NDUFB4: variants seen among roughly 807,000 people sequenced by gnomAD.
The protein encoded by NDUFB4 is NADH:ubiquinone oxidoreductase subunit B4.
A neutral mutation model predicts 14.5 loss-of-function variants in NDUFB4; 10 were observed. The ratio of observed to expected loss-of-function variants is 0.69; its 90% CI spans 0.43 to 1.17. NDUFB4 has a LOEUF of 1.17. Among genes scored for constraint, NDUFB4 ranks in the 50% most tolerant of loss-of-function variants. NDUFB4 has a pLI of 0.00. For missense variants in NDUFB4, 165 were observed against 161.1 expected (o/e 1.02, Z -0.13); for synonymous variants, 65 against 63.4 (o/e 1.03, Z -0.12).
At chr3:120,602,127 T>A in intron 2 of NDUFB4, 81 bp from the exon 3 acceptor site, 1 of 1,550,526 alleles carries the variant, frequency 6.4e-7, no homozygotes, top group Non-Finnish European at 8.6e-7. Flanking sequence ...TTTCTTACCT[T>A]TTTTATTTAT....
At chr3:120,602,019 C>A in intron 2 of NDUFB4, 189 bp from the exon 3 acceptor site, 11 of 1,337,290 alleles carry the variant, frequency 8.2e-6, no homozygotes, top group Non-Finnish European at 1.1e-5. Flanking sequence ...ACTGTTTCTT[C>A]GCACACTCCC....
At chr3:120,598,441 C>T (rs1013454352) in intron 1 of NDUFB4, among the ~76,000 whole-genome samples, 7 of 152,074 alleles carry the variant, frequency 4.6e-5, no homozygotes, top group African/African-American at 1.4e-4. Context: ...GCCAAGATAA[C>T]AATGGAGATC....
At chr3:120,601,296 G>A (rs1269362306) in intron 2 of NDUFB4, 39 bp downstream of exon 2, 3 of 1,610,368 alleles carry the variant, frequency 1.9e-6, no homozygotes, top group South Asian at 1.1e-5. Flanking sequence ...TTGAGTGATA[G>A]GTTCACTTTC....
At chr3:120,596,598 GACCAC>G in intron 1 of NDUFB4, 59 bp downstream of exon 1, 4 of 1,566,886 alleles carry the variant, frequency 2.6e-6, no homozygotes, top group Non-Finnish European at 3.5e-6. Context: ...GACCGAGAGA[GACCAC>G]GCAAAGGGTC....
At position 120,602,495 on chromosome 3, in the gene NDUFB4, C is replaced by G. The variant is rs1482596647; in HGVS notation, c.*225C>G. 2 of 487,066 alleles carry G rather than the reference C, an allele frequency of 4.1e-6. No individual in the cohort carries two copies. Among genetic ancestry groups the G allele is most frequent in the Admixed American group, 3.8e-5 (1 of 26,506 alleles). The allele number at this position is 487,066 out of a possible 1,614,324, so 30.2% of individuals were successfully genotyped here. A position where few individuals can be genotyped will look rare whatever the true frequency, so the allele number is the denominator to read the frequency against. ...AACATAAACTTCATTAAACTGTGAG[C>G]TCTTAGAAAGTACAGATTCTACAAT... is the stretch of plus-strand genomic sequence containing the variant. On this transcript the variant is annotated 3_prime_UTR_variant, in exon 3 of 3. Coordinates refer to ENST00000184266, the MANE Select transcript of NDUFB4 (RefSeq NM_004547.6).
At chr3:120,601,506 G>A in intron 2 of NDUFB4, 1 of 1,352,408 alleles carries the variant, frequency 7.4e-7, no homozygotes, top group East Asian at 2.9e-5. Flanking sequence ...ATTGGGTTAA[G>A]TATTAGCAGA....
chr3:120,601,256 G>A lies in NDUFB4; in HGVS notation c.326G>A (p.Arg109Lys), dbSNP rs772989363. 12 of 1,613,934 alleles carry A rather than the reference G, an allele frequency of 7.4e-6. No individual in the cohort carries two copies. Among genetic ancestry groups the A allele is most frequent in the Admixed American group, 5.0e-5 (3 of 59,976 alleles). Residue 109 changes from arginine to lysine, a missense_variant and splice_region_variant, in exon 2 of 3, where the codon AGG becomes AAG. Arg to Lys is a conservative substitution (Grantham distance 26, BLOSUM62 2). Coordinates refer to ENST00000184266, the MANE Select transcript of NDUFB4 (RefSeq NM_004547.6). ...ATTTATTATATTATCAAAACTGAGA[G>A]GGTAAGTATTCAGACCAGATGTTTA... ...IFIYYIIKTE[R>K]DRKEKLIQEG...
Position 120,601,251 on chromosome 3 carries a change from T to C in NDUFB4, c.321T>C (p.Thr107=). The change falls in exon 2 of 3, where the codon ACT becomes ACC. Residue 107 remains threonine (T), a synonymous_variant. Transcript: ENST00000184266. ...PLIFIYYIIK[T]ERDRKEKLIQ... is the part of the protein sequence containing the mutation. ...TCTTCATTTATTATATTATCAAAAC[T>C]GAGAGGGTAAGTATTCAGACCAGAT... The C allele has an allele frequency of 6.2e-7, 1 of 1,614,108 alleles. No individual in the cohort carries two copies.
chr3:120,598,070 T>C (rs1192736008), intron 1 of NDUFB4, among the ~76,000 whole-genome samples: 1 of 151,726 alleles, frequency 6.6e-6, no homozygotes, highest in Non-Finnish European at 1.5e-5. Context: ...TTTTTTCCCT[T>C]GAGACAGGAT....
At position 120,596,610 on chromosome 3, in the gene NDUFB4, G is replaced by T. The variant is rs895777206; in HGVS notation, c.180+71G>T. The T allele has an allele frequency of 5.9e-6, 9 of 1,515,320 alleles. No homozygotes were observed. The Admixed American group carries it at 1.1e-4, about 19-fold the overall frequency. The allele number at this position is 1,515,320 out of a possible 1,614,324, so 93.9% of individuals were successfully genotyped here. On this transcript the variant is annotated intron_variant, in intron 1 of 2. Coordinates refer to ENST00000184266, the MANE Select transcript of NDUFB4 (RefSeq NM_004547.6). Reference sequence around the variant, plus strand: ...AGAGACCGAGAGAGACCACGCAAAGGGTCGGCCACCGCTCCCGATCAGTAT... The same window carrying T: ...AGAGACCGAGAGAGACCACGCAAAGTGTCGGCCACCGCTCCCGATCAGTAT...
At chr3:120,598,662 T>A (rs543500904) in intron 1 of NDUFB4, among the ~76,000 whole-genome samples, 1 of 152,164 alleles carries the variant, frequency 6.6e-6, no homozygotes, top group South Asian at 2.1e-4. Flanking sequence ...AGGTGACATC[T>A]GAATAAAGAT....
chr3:120,602,287 T>G lies in NDUFB4; in HGVS notation c.*17T>G. ...TCATATTAAGTCTGGCAATGATGAC[T>G]ATATGTATTCCTGCCTAAATAAATC... On this transcript the variant is annotated 3_prime_UTR_variant, in exon 3 of 3. Coordinates refer to ENST00000184266, the MANE Select transcript of NDUFB4 (RefSeq NM_004547.6). 6.3e-7 allele frequency: 1 copy of G among 1,580,304 alleles called. No individual in the cohort carries two copies. Among genetic ancestry groups the G allele is most frequent in the Non-Finnish European group, 8.7e-7 (1 of 1,155,806 alleles).
intron 1 of NDUFB4, among the ~76,000 whole-genome samples, chr3:120,599,002 A>G (rs765868876): frequency 2.0e-5 from 3 of 152,150 alleles, no homozygotes; most frequent in Non-Finnish European, 4.4e-5. Flanking sequence ...ATCTCTGTTG[A>G]TTACCAGGGT....
At position 120,601,156 on chromosome 3, in the gene NDUFB4, G is replaced by GTCTA. The variant is rs1940052640; in HGVS notation, c.229_232dup (p.Pro78LeufsTer3). ...TTGGGCCTATGCAAGAACAATAAAT[G>GTCTA]TCTATCCTAATTTCAGACCCACTCC... is the stretch of plus-strand genomic sequence containing the variant. On this transcript the variant is annotated frameshift_variant, in exon 2 of 3. Transcript: ENST00000184266. LOFTEE classifies it high-confidence loss of function. The GTCTA allele has an allele frequency of 8.7e-6, 14 of 1,613,904 alleles. No individual in the cohort carries two copies. Among genetic ancestry groups the GTCTA allele is most frequent in the Non-Finnish European group, 1.2e-5 (14 of 1,179,998 alleles).
In NDUFB4 at chr3:120,599,039, A is replaced by G. The variant is rs77588375; in HGVS notation, c.181-2072A>G. Among the ~76,000 whole-genome samples, 61 of 152,280 alleles carry G rather than the reference A, an allele frequency of 4.0e-4. No homozygotes were observed. In the East Asian group the frequency reaches 0.011, roughly 27 times the overall value. ...GTGGCAGAAGGCGGTGAGAAATGGT[A>G]GATTCCAGGTGTATTTTAAAAGTAG... On this transcript the variant is annotated intron_variant, in intron 1 of 2. Coordinates refer to ENST00000184266, the MANE Select transcript of NDUFB4 (RefSeq NM_004547.6).
At chr3:120,596,746 T>C (rs955998639) in intron 1 of NDUFB4, 1 of 586,460 alleles carries the variant, frequency 1.7e-6, no homozygotes, top group African/African-American at 1.9e-5. Context: ...TGGGTTTGAA[T>C]CCTGGCTTGA....
chr3:120,602,020 G>A (rs1446813142), intron 2 of NDUFB4, 188 bp from the exon 3 acceptor site: 2 of 1,328,160 alleles, frequency 1.5e-6, no homozygotes, highest in Non-Finnish European at 1.9e-6. Flanking sequence ...CTGTTTCTTC[G>A]CACACTCCCT....
intron 1 of NDUFB4, 177 bp downstream of exon 1, chr3:120,596,716 G>C (rs1365955124): frequency 3.0e-6 from 2 of 675,066 alleles, no homozygotes; most frequent in Non-Finnish European, 4.9e-6. Context: ...GAGAGGACCG[G>C]CTCTGGACTC....
At chr3:120,598,307 G>A (rs1036489971) in intron 1 of NDUFB4, among the ~76,000 whole-genome samples, 17 of 152,008 alleles carry the variant, frequency 1.1e-4, no homozygotes, top group Non-Finnish European at 1.6e-4. Flanking sequence ...TCCTGTCTCC[G>A]CCTCTCAGAG....
Sources: allele counts gnomAD v4.1 joint callset (sites outside exome capture counted in the v4.1 genomes callset), GRCh38; gene constraint gnomAD v4.1.1; transcripts MANE v1.5; gene names NCBI Gene and HGNC (gene_info 2026-07-23, HGNC 2026-07-21).